Variants in RIMS1 observed in about 807,000 individuals in gnomAD.
The protein encoded by RIMS1 is regulating synaptic membrane exocytosis 1.
A neutral mutation model predicts 214.1 loss-of-function variants in RIMS1; 83 were observed. That is an observed-to-expected ratio of 0.39 (90% CI 0.32 to 0.47). The LOEUF is 0.47. Ranked by LOEUF, RIMS1 falls within the 20% of genes least tolerant of loss-of-function variation. The pLI, the probability that RIMS1 is intolerant of heterozygous loss-of-function variation, is 0.99. For synonymous variants in RIMS1, 793 were observed against 786.8 expected (o/e 1.01, Z -0.13); for missense variants, 2,050 against 2,161.8 (o/e 0.95, Z 1.03).
intron 29 of RIMS1, among the ~76,000 whole-genome samples, chr6:72,353,328 C>T (rs1177172719): frequency 2.0e-5 from 3 of 152,058 alleles, no homozygotes; most frequent in Non-Finnish European, 4.4e-5. Context: ...AATACTGGTG[C>T]TTTCTTATGT....
intron 4 of RIMS1, among the ~76,000 whole-genome samples, chr6:72,105,820 CA>C (rs1205609850): frequency 1.8e-4 from 28 of 152,100 alleles, no homozygotes; most frequent in African/African-American, 6.8e-4. Flanking sequence ...GCCAGCACCC[CA>C]CCAAACCTTT....
intron 4 of RIMS1, among the ~76,000 whole-genome samples, chr6:72,166,361 AT>A (rs1355303223): frequency 6.7e-6 from 1 of 150,208 alleles, no homozygotes; most frequent in East Asian, 1.9e-4. Context: ...GTATGACCTG[AT>A]TTTATTTAAA....
At chr6:72,387,562 A>G (rs1377131063) in intron 29 of RIMS1, among the ~76,000 whole-genome samples, 3 of 152,162 alleles carry the variant, frequency 2.0e-5, no homozygotes, top group Admixed American at 6.5e-5. Context: ...CCAAAACTAA[A>G]CTAAACAGCA....
At chr6:71,981,504 CATAAT>C (rs1244035555) in intron 2 of RIMS1, among the ~76,000 whole-genome samples, 2 of 152,040 alleles carry the variant, frequency 1.3e-5, no homozygotes, top group Non-Finnish European at 2.9e-5. Context: ...ATATGGTAGA[CATAAT>C]ATATAATCAG....
chr6:72,114,777 A>G (rs2153823396), intron 4 of RIMS1, among the ~76,000 whole-genome samples: 1 of 151,974 alleles, frequency 6.6e-6, no homozygotes, highest in South Asian at 2.1e-4. Context: ...ATTTTAGGAT[A>G]TGTTTCCTAA....
chr6:72,255,370 T>G (rs934539925), intron 16 of RIMS1, among the ~76,000 whole-genome samples: 1 of 152,198 alleles, frequency 6.6e-6, no homozygotes, highest in African/African-American at 2.4e-5. Context: ...GGTTGTTTAT[T>G]ATCTAGAGAA....
intron 2 of RIMS1, among the ~76,000 whole-genome samples, chr6:72,095,116 A>ATTTTTTTTTTTTTTTTTTTTTTTTTT (rs71540328): frequency 1.0e-5 from 1 of 98,980 alleles, no homozygotes; most frequent in Non-Finnish European, 1.9e-5. Context: ...ACGCCCGACT[A>ATTTTTTTTTTTTTTTTTTTTTTTTTT]TTTTTTTTTT....
chr6:72,189,570 G>GCCA (rs1588816685), intron 6 of RIMS1, among the ~76,000 whole-genome samples: 1 of 152,152 alleles, frequency 6.6e-6, no homozygotes, highest in East Asian at 1.9e-4. Flanking sequence ...GGAAGAGGTC[G>GCCA]AGTGTAATCA....
chr6:72,323,774 A>G (rs557018340), intron 28 of RIMS1, among the ~76,000 whole-genome samples: 187 of 152,062 alleles, frequency 1.2e-3, no homozygotes, highest in Admixed American at 3.5e-3. Flanking sequence ...CATTATTGTA[A>G]TCAAAGTACA....
chr6:72,286,026 C>A (rs2092192044), intron 24 of RIMS1, among the ~76,000 whole-genome samples: 1 of 152,042 alleles, frequency 6.6e-6, no homozygotes, highest in African/African-American at 2.4e-5. Flanking sequence ...GGAGAAACCC[C>A]ATCTCTACTA....
chr6:71,917,163 A>T (rs2150697550), intron 1 of RIMS1, among the ~76,000 whole-genome samples: 1 of 152,294 alleles, frequency 6.6e-6, no homozygotes, highest in East Asian at 1.9e-4. Flanking sequence ...AAATGAGTTA[A>T]ATACACATAA....
intron 2 of RIMS1, among the ~76,000 whole-genome samples, chr6:72,009,697 C>A (rs945861702): frequency 3.9e-5 from 6 of 152,178 alleles, no homozygotes; most frequent in Non-Finnish European, 8.8e-5. Context: ...ACTATAAACA[C>A]CACTACGCAA....
Position 71,890,589 on chromosome 6 carries a change from A to AC in RIMS1, c.164+3402_164+3403insC, listed in dbSNP as rs1562127886. On this transcript the variant is annotated intron_variant, in intron 1 of 33. Coordinates refer to ENST00000521978, the MANE Select transcript of RIMS1 (RefSeq NM_014989.7). Reference sequence around the variant, plus strand: ...TTTTTGTAAAAAAAAAAAAAAAAAAAAAAAAAAACTTCATAGAGAAAGCAG... The same window carrying AC: ...TTTTTGTAAAAAAAAAAAAAAAAAAACAAAAAAAACTTCATAGAGAAAGCAG... 6.7e-5 allele frequency among the ~76,000 whole-genome samples: 9 copies of AC among 134,240 alleles called. No individual in the cohort carries two copies. The East Asian group carries it at 8.8e-4, about 13-fold the overall frequency. 88.1% of individuals were successfully genotyped at this position (134,240 alleles called of 152,430 possible). A position where few individuals can be genotyped will look rare whatever the true frequency, so the allele number is the denominator to read the frequency against.
intron 2 of RIMS1, among the ~76,000 whole-genome samples, chr6:72,089,307 C>T (rs1205194824): frequency 6.6e-6 from 1 of 152,090 alleles, no homozygotes; most frequent in African/African-American, 2.4e-5. Flanking sequence ...ATCATTTTCC[C>T]GGGATCTCCT....
intron 27 of RIMS1, among the ~76,000 whole-genome samples, chr6:72,307,665 T>G (rs1487167963): frequency 6.6e-6 from 1 of 152,068 alleles, no homozygotes; most frequent in African/African-American, 2.4e-5. Flanking sequence ...GAGAATCCCT[T>G]GAACCTGGGA....
At chr6:72,364,495 A>G (rs539802183) in intron 29 of RIMS1, among the ~76,000 whole-genome samples, 1 of 152,200 alleles carries the variant, frequency 6.6e-6, no homozygotes, top group South Asian at 2.1e-4. Context: ...TTTATAAAAT[A>G]CTAATCAATT....
Position 72,254,923 on chromosome 6 carries a change from T to C in RIMS1, c.2770+2091T>C, listed in dbSNP as rs184662008. Among the ~76,000 whole-genome samples, 179 of 152,344 alleles carry C rather than the reference T, an allele frequency of 1.2e-3. 1 individual carries two copies. The highest frequency in any genetic ancestry group is 4.0e-3 in the African/African-American group (168 of 41,588). ...AATATTTTTCAAATAATATTGTTCA[T>C]TTTTATTTAGCATTTAAAAATGTAA... On this transcript the variant is annotated intron_variant, in intron 16 of 33. Transcript: ENST00000521978.
At chr6:72,394,186 A>G (rs536105912) in intron 31 of RIMS1, among the ~76,000 whole-genome samples, 4 of 152,316 alleles carry the variant, frequency 2.6e-5, no homozygotes, top group African/African-American at 9.6e-5. Flanking sequence ...CATGAGATAA[A>G]ATCTATAGAA....
intron 28 of RIMS1, among the ~76,000 whole-genome samples, chr6:72,328,763 C>A (rs370014946): frequency 1.3e-5 from 2 of 151,456 alleles, no homozygotes; most frequent in African/African-American, 4.8e-5. Flanking sequence ...TCAGTATGCA[C>A]AATATATTTC....
Sources: allele counts gnomAD v4.1 joint callset (sites outside exome capture counted in the v4.1 genomes callset), GRCh38; gene constraint gnomAD v4.1.1; transcripts MANE v1.5; gene names NCBI Gene and HGNC (gene_info 2026-07-23, HGNC 2026-07-21).